The following ELMO1 variants were observed in gnomAD, a reference collection of about 807,000 sequenced individuals.
ELMO1 encodes the protein engulfment and cell motility protein 1.
Under a neutral mutation model 98.9 loss-of-function variants are expected in ELMO1, and 26 were observed. The ratio of observed to expected loss-of-function variants is 0.26; its 90% CI spans 0.19 to 0.36. The LOEUF (loss-of-function observed/expected upper bound fraction) is 0.36. Ranked by LOEUF, ELMO1 falls within the 10% of genes least tolerant of loss-of-function variation. The probability of loss-of-function intolerance (pLI) is 1.00; values close to 1 mark genes in which losing one functional copy is unlikely to be tolerated. For synonymous variants in ELMO1, 346 were observed against 346.0 expected (o/e 1.00, Z 0.00); for missense variants, 627 against 935.2 (o/e 0.67, Z 4.30).
At chr7:36,945,643 G>A (rs919229585) in intron 16 of ELMO1, among the ~76,000 whole-genome samples, 1 of 152,082 alleles carries the variant, frequency 6.6e-6, no homozygotes, top group Non-Finnish European at 1.5e-5. Flanking sequence ...GGGTTAAATC[G>A]GGCAAATTTC....
intron 16 of ELMO1, among the ~76,000 whole-genome samples, chr7:36,998,131 T>G: frequency 6.7e-6 from 1 of 149,974 alleles, no homozygotes; most frequent in African/African-American, 2.5e-5. Context: ...GAGATGGGGG[T>G]GGGGGAGGAT....
chr7:37,203,178 T>C (rs1395933780), intron 13 of ELMO1, among the ~76,000 whole-genome samples: 1 of 152,172 alleles, frequency 6.6e-6, no homozygotes, highest in African/African-American at 2.4e-5. Context: ...ACCTGGACCC[T>C]TGCCTGTCCT....
intron 16 of ELMO1, among the ~76,000 whole-genome samples, chr7:36,994,244 C>T (rs924843858): frequency 3.9e-5 from 6 of 152,162 alleles, no homozygotes; most frequent in Admixed American, 2.6e-4. Context: ...CTATTCTGCT[C>T]ACCTGGAGAG....
chr7:37,133,056 C>T, intron 14 of ELMO1, 74 bp downstream of exon 14: 1 of 1,132,286 alleles, frequency 8.8e-7, no homozygotes, highest in Non-Finnish European at 1.2e-6. Context: ...AAAGGTAATC[C>T]CTCCGTATTT....
At chr7:36,908,984 T>C (rs772024598) in intron 16 of ELMO1, among the ~76,000 whole-genome samples, 6 of 152,256 alleles carry the variant, frequency 3.9e-5, no homozygotes, top group Admixed American at 6.5e-5. Context: ...TTTTTTTCAG[T>C]TGCAGAAAAC....
chr7:37,077,667 G>A (rs965390328), intron 15 of ELMO1, among the ~76,000 whole-genome samples: 7 of 152,202 alleles, frequency 4.6e-5, no homozygotes, highest in African/African-American at 1.7e-4. Flanking sequence ...GGACGTGGCC[G>A]CTGGCTGACT....
intron 1 of ELMO1, among the ~76,000 whole-genome samples, chr7:37,375,119 T>G (rs1004597006): frequency 6.6e-6 from 1 of 152,198 alleles, no homozygotes; most frequent in African/African-American, 2.4e-5. Flanking sequence ...TTGCTCTTTG[T>G]TCCCATCTTC....
Position 37,159,658 on chromosome 7 carries a change from C to CA in ELMO1, c.1087-26425dup, listed in dbSNP as rs370627962. Among the ~76,000 whole-genome samples the CA allele has an allele frequency of 6.6e-3, 1,005 of 152,144 alleles. 10 individuals carry two copies. The highest frequency in any genetic ancestry group is 0.022 in the African/African-American group (915 of 41,476). ...AGGTTGCTGTGAGCCAAGATCATGG[C>CA]ACTGCACTCCGGCCAGGGTGACACA... On this transcript the variant is annotated intron_variant, in intron 13 of 21. Coordinates refer to ENST00000310758, the MANE Select transcript of ELMO1 (RefSeq NM_014800.11).
intron 13 of ELMO1, among the ~76,000 whole-genome samples, chr7:37,207,608 A>G (rs1792710840): frequency 6.6e-6 from 1 of 152,116 alleles, no homozygotes; most frequent in Admixed American, 6.5e-5. Flanking sequence ...GGGGACCTAC[A>G]AAGGCCTGTC....
chr7:37,369,706 T>C (rs1802038994), intron 1 of ELMO1, among the ~76,000 whole-genome samples: 1 of 148,478 alleles, frequency 6.7e-6, no homozygotes, highest in African/African-American at 2.5e-5. Context: ...CCAATCCATC[T>C]ACAATATAAT....
At chr7:37,150,369 C>T (rs1286828915) in intron 13 of ELMO1, among the ~76,000 whole-genome samples, 1 of 151,466 alleles carries the variant, frequency 6.6e-6, no homozygotes, top group Non-Finnish European at 1.5e-5. Flanking sequence ...AACATCTTGC[C>T]CACATTCACA....
At chr7:37,043,133 G>A (rs569706056) in intron 15 of ELMO1, among the ~76,000 whole-genome samples, 5 of 152,224 alleles carry the variant, frequency 3.3e-5, no homozygotes, top group East Asian at 3.9e-4. Flanking sequence ...AGACAATGCC[G>A]GGAGCCTCCT....
intron 1 of ELMO1, among the ~76,000 whole-genome samples, chr7:37,416,328 T>C (rs1474708055): frequency 6.6e-6 from 1 of 152,246 alleles, no homozygotes; most frequent in Non-Finnish European, 1.5e-5. Context: ...GAAAATTTTA[T>C]ATACACATAT....
Position 37,095,296 on chromosome 7 carries a change from AG to A in ELMO1, c.1300+1322del, listed in dbSNP as rs1241223975. 4.6e-5 allele frequency among the ~76,000 whole-genome samples: 7 copies of A among 152,380 alleles called. No homozygotes were observed. In the East Asian group the frequency reaches 1.3e-3, roughly 29 times the overall value. On this transcript the variant is annotated intron_variant, in intron 15 of 21. Coordinates refer to ENST00000310758, the MANE Select transcript of ELMO1 (RefSeq NM_014800.11). ...TGAAACAGTCACAGTTATCAGACAG[AG>A]GAATTCAGCAGGATTTGTTTGATTT...
At chr7:37,218,432 T>C (rs544187560) in intron 10 of ELMO1, among the ~76,000 whole-genome samples, 1 of 152,250 alleles carries the variant, frequency 6.6e-6, no homozygotes, top group Admixed American at 6.5e-5. Flanking sequence ...AATAAATGTT[T>C]GATAAAATAA....
intron 16 of ELMO1, among the ~76,000 whole-genome samples, chr7:37,008,438 G>C (rs541959144): frequency 6.6e-6 from 1 of 151,870 alleles, no homozygotes; most frequent in Non-Finnish European, 1.5e-5. Flanking sequence ...AGTTACATGG[G>C]TTACTAATTC....
At chr7:37,297,632 G>C (rs928193704) in intron 4 of ELMO1, among the ~76,000 whole-genome samples, 5 of 150,702 alleles carry the variant, frequency 3.3e-5, no homozygotes, top group Admixed American at 3.3e-4. Flanking sequence ...GACAGAGAGA[G>C]GAAGATAAAC....
At chr7:37,055,601 T>C (rs955864024) in intron 15 of ELMO1, among the ~76,000 whole-genome samples, 9 of 152,188 alleles carry the variant, frequency 5.9e-5, no homozygotes, top group African/African-American at 2.2e-4. Context: ...TTCAAGAGGA[T>C]GTTAGCTCCA....
chr7:37,076,545 G>A (rs981124760), intron 15 of ELMO1, among the ~76,000 whole-genome samples: 5 of 152,158 alleles, frequency 3.3e-5, no homozygotes, highest in African/African-American at 1.2e-4. Context: ...GTTTAAATTT[G>A]TTTCCTTATC....
Sources: allele counts gnomAD v4.1 joint callset (sites outside exome capture counted in the v4.1 genomes callset), GRCh38; gene constraint gnomAD v4.1.1; transcripts MANE v1.5; gene names NCBI Gene and HGNC (gene_info 2026-07-23, HGNC 2026-07-21).